Variants in DPF3 observed in about 807,000 individuals in gnomAD.
The protein encoded by DPF3 is zinc finger protein DPF3.
In DPF3, 18 loss-of-function variants were observed where a neutral mutation model predicts 56.8. The ratio of observed to expected loss-of-function variants is 0.32; its 90% confidence interval spans 0.22 to 0.47. DPF3 has a LOEUF of 0.47. Among genes scored for constraint, DPF3 ranks in the 20% least tolerant of loss-of-function variants. The pLI, the probability that DPF3 is intolerant of heterozygous loss-of-function variation, is 1.00. For synonymous variants in DPF3, 188 were observed against 180.2 expected, an observed-to-expected ratio of 1.04 and a Z score of -0.35; for missense variants, 403 against 488.8, an observed-to-expected ratio of 0.82 and a Z score of 1.65.
intron 1 of DPF3, among the ~76,000 whole-genome samples, chr14:72,781,368 G>T (rs1219461267): frequency 6.6e-6 from 1 of 152,178 alleles, no homozygotes; most frequent in Non-Finnish European, 1.5e-5. Context: ...CTCAGGAAGG[G>T]CACATTGGGG....
intron 7 of DPF3, among the ~76,000 whole-genome samples, chr14:72,680,097 G>A (rs1887094919): frequency 6.6e-6 from 1 of 152,226 alleles, no homozygotes; most frequent in South Asian, 2.1e-4. Context: ...AGCAGAGCCA[G>A]GAGAGGGTTA....
At chr14:72,879,755 C>T in intron 1 of DPF3, 2 of 1,500,734 alleles carry the variant, frequency 1.3e-6, no homozygotes, top group East Asian at 2.5e-5. Context: ...CACAGAGCAT[C>T]CCCTCAGACT....
At chr14:72,657,678 T>C (rs1258142291) in intron 8 of DPF3, among the ~76,000 whole-genome samples, 1 of 152,178 alleles carries the variant, frequency 6.6e-6, no homozygotes, top group Non-Finnish European at 1.5e-5. Flanking sequence ...CATTTCTAAA[T>C]TAGGGATCAG....
chr14:72,791,894 C>T (rs1472924269), intron 1 of DPF3, among the ~76,000 whole-genome samples: 3 of 152,214 alleles, frequency 2.0e-5, no homozygotes, highest in Non-Finnish European at 4.4e-5. Context: ...GGCCCACAGA[C>T]TCGAACCTAG....
intron 2 of DPF3, among the ~76,000 whole-genome samples, chr14:72,765,241 T>C (rs1891227336): frequency 6.6e-6 from 1 of 152,230 alleles, no homozygotes; most frequent in Admixed American, 6.5e-5. Flanking sequence ...ATTTTCAAAC[T>C]GACCACACCA....
intron 1 of DPF3, among the ~76,000 whole-genome samples, chr14:72,786,535 G>C (rs1343940475): frequency 6.6e-6 from 1 of 152,222 alleles, no homozygotes; most frequent in African/African-American, 2.4e-5. Context: ...GAGTCGAGTA[G>C]TTCCAACAGA....
At chr14:72,640,685 T>C (rs544421154) in intron 8 of DPF3, among the ~76,000 whole-genome samples, 1 of 152,172 alleles carries the variant, frequency 6.6e-6, no homozygotes, top group South Asian at 2.1e-4. Flanking sequence ...GAGTAGATGA[T>C]AAAACTGTTA....
intron 1 of DPF3, among the ~76,000 whole-genome samples, chr14:72,883,618 C>T (rs1454105654): frequency 6.6e-6 from 1 of 152,220 alleles, no homozygotes; most frequent in Non-Finnish European, 1.5e-5. Context: ...CCGCAATGCT[C>T]TCTGGTCTAC....
intron 6 of DPF3, among the ~76,000 whole-genome samples, chr14:72,712,354 C>G (rs1035104250): frequency 1.3e-5 from 2 of 152,094 alleles, no homozygotes; most frequent in African/African-American, 4.8e-5. Context: ...ACAAACAGCA[C>G]TTCATGGAGA....
intron 1 of DPF3, among the ~76,000 whole-genome samples, chr14:72,856,188 ACAGTATCAGT>A: frequency 1.3e-5 from 2 of 152,320 alleles, no homozygotes; most frequent in Middle Eastern, 3.4e-3. Flanking sequence ...CACCCCAGAC[ACAGTATCAGT>A]CACAGCCCCA....
chr14:72,763,486 G>A (rs1891142425), intron 2 of DPF3, among the ~76,000 whole-genome samples: 1 of 152,030 alleles, frequency 6.6e-6, no homozygotes, highest in African/African-American at 2.4e-5. Context: ...CCAATTAAGT[G>A]GAGAAAGACG....
chr14:72,839,026 T>G (rs1884440605), intron 1 of DPF3, among the ~76,000 whole-genome samples: 1 of 148,266 alleles, frequency 6.7e-6, no homozygotes, highest in African/African-American at 2.5e-5. Context: ...GCTCAAGCAA[T>G]TTTTGCACCT....
At chr14:72,881,757 G>A (rs1886334832) in intron 1 of DPF3, among the ~76,000 whole-genome samples, 1 of 152,242 alleles carries the variant, frequency 6.6e-6, no homozygotes, top group South Asian at 2.1e-4. Context: ...CAACAGCTGG[G>A]GCTGCTGTGG....
At chr14:72,693,632 G>A (rs1277402773) in intron 6 of DPF3, among the ~76,000 whole-genome samples, 3 of 152,166 alleles carry the variant, frequency 2.0e-5, no homozygotes, top group Non-Finnish European at 4.4e-5. Context: ...TAATTGTTAT[G>A]ACGTTGAATT....
chr14:72,750,139 A>G (rs1890505744), intron 3 of DPF3, among the ~76,000 whole-genome samples: 1 of 152,224 alleles, frequency 6.6e-6, no homozygotes, highest in Non-Finnish European at 1.5e-5. Context: ...TAAGAGAAGA[A>G]GCCTGGCTAA....
At chr14:72,783,339 C>T (rs1216158878) in intron 1 of DPF3, among the ~76,000 whole-genome samples, 1 of 152,186 alleles carries the variant, frequency 6.6e-6, no homozygotes. Context: ...AGATTCCCAG[C>T]CCCCAACGCA....
intron 1 of DPF3, among the ~76,000 whole-genome samples, chr14:72,803,128 G>A (rs1460100125): frequency 6.6e-6 from 1 of 152,176 alleles, no homozygotes; most frequent in Middle Eastern, 3.2e-3. Context: ...ACTGAAGCAG[G>A]CCCCTTCCAA....
In DPF3 at chr14:72,783,839, C is replaced by T. The variant is rs527454023; in HGVS notation, c.33-11946G>A. On this transcript the variant is annotated intron_variant, in intron 1 of 10. Transcript: ENST00000556509. ...CTTCTGCATGGTCTTTCCTGCAGAG[C>T]TGATCCGTGTCCTCCTGCAGAGCCC... is the stretch of plus-strand genomic sequence containing the variant. Among the ~76,000 whole-genome samples the T allele has an allele frequency of 5.3e-5, 8 of 152,308 alleles. No homozygotes were observed. The East Asian group carries it at 5.8e-4, about 11-fold the overall frequency.
chr14:72,874,054 C>T (rs1422082252), intron 1 of DPF3, among the ~76,000 whole-genome samples: 1 of 134,642 alleles, frequency 7.4e-6, no homozygotes, highest in Admixed American at 8.2e-5. Context: ...CACATGTACC[C>T]TAAAACTTAA....
Sources: gnomAD v4.1 joint callset for allele counts (sites outside exome capture counted in the v4.1 genomes callset) on GRCh38, gnomAD v4.1.1 for gene constraint, MANE v1.5 for transcripts, NCBI Gene and HGNC (gene_info 2026-07-23, HGNC 2026-07-21) for gene names.